ZNF804B: variants seen among roughly 807,000 people sequenced by gnomAD.
ZNF804B encodes zinc finger 804B.
ZNF804B carries 80 observed loss-of-function variants against 101.4 expected under a neutral mutation model. The observed-to-expected ratio is 0.79, with a 90% CI of 0.66 to 0.95. The LOEUF (loss-of-function observed/expected upper bound fraction) is 0.95, where lower values mean the gene tolerates loss of function less well. ZNF804B is among the 40% of genes least tolerant of loss of function. The pLI is 0.00. For synonymous variants in ZNF804B, 622 were observed against 558.8 expected (o/e 1.11, Z -1.59); for missense variants, 1,673 against 1,561.9 (o/e 1.07, Z -1.20).
Position 89,105,397 on chromosome 7 carries a change from T to C in ZNF804B, c.109-112758T>C, listed in dbSNP as rs567674515. 2.2e-4 allele frequency among the ~76,000 whole-genome samples: 33 copies of C among 152,250 alleles called. 1 individual carries two copies. The highest frequency in any genetic ancestry group is 1.0e-3 in the South Asian group (5 of 4,830). On this transcript the variant is annotated intron_variant, in intron 1 of 3. Coordinates refer to ENST00000333190, the MANE Select transcript of ZNF804B (RefSeq NM_181646.5). ...AAATTCCATGGATAGCTTTTAACTT[T>C]AGTAACTGAACTAAAGCACAGTTGT...
intron 1 of ZNF804B, among the ~76,000 whole-genome samples, chr7:88,927,210 G>A (rs1180332108): frequency 1.4e-4 from 22 of 152,132 alleles, no homozygotes; most frequent in Admixed American, 1.4e-3. Flanking sequence ...CATTGGAAGA[G>A]TGGCGTTTTA....
chr7:89,132,162 GCACACATACACACACA>G (rs1266849809), intron 1 of ZNF804B, among the ~76,000 whole-genome samples: 7 of 87,604 alleles, frequency 8.0e-5, no homozygotes, highest in African/African-American at 2.5e-4. Flanking sequence ...GAGAACACAC[GCACACATACACACACA>G]CACACACACA....
At chr7:88,782,890 G>A (rs1265640548) in intron 1 of ZNF804B, among the ~76,000 whole-genome samples, 1 of 152,026 alleles carries the variant, frequency 6.6e-6, no homozygotes, top group African/African-American at 2.4e-5. Flanking sequence ...GTGTACAAGA[G>A]GACTCTTGGG....
chr7:89,016,139 T>A (rs1788552181), intron 1 of ZNF804B, among the ~76,000 whole-genome samples: 1 of 152,044 alleles, frequency 6.6e-6, no homozygotes, highest in Non-Finnish European at 1.5e-5. Context: ...TGTCTTCTTT[T>A]GAGAAGTGTC....
At chr7:88,854,527 T>TTTCCTTCCCTTCCCTTCCCTTCCCTTCCC (rs1791520224) in intron 1 of ZNF804B, among the ~76,000 whole-genome samples, 11 of 40,074 alleles carry the variant, frequency 2.7e-4, no homozygotes, top group African/African-American at 1.0e-3. Context: ...CTTTCCTTCC[T>TTTCCTTCCCTTCCCTTCCCTTCCCTTCCC]TTCCTTCCTT....
intron 1 of ZNF804B, among the ~76,000 whole-genome samples, chr7:88,900,428 A>G (rs1334526247): frequency 1.3e-5 from 2 of 151,720 alleles, no homozygotes; most frequent in African/African-American, 4.8e-5. Context: ...GATTTACATA[A>G]GCCAGAAACT....
intron 2 of ZNF804B, among the ~76,000 whole-genome samples, chr7:89,279,233 A>C (rs954569310): frequency 7.4e-4 from 112 of 152,184 alleles, no homozygotes; most frequent in Admixed American, 1.2e-3. Context: ...GTTGCTTATC[A>C]GCTTAAGGAG....
At chr7:88,885,076 G>A (rs979197958) in intron 1 of ZNF804B, among the ~76,000 whole-genome samples, 2 of 151,910 alleles carry the variant, frequency 1.3e-5, no homozygotes, top group African/African-American at 4.8e-5. Flanking sequence ...TATATAATTT[G>A]TATCCCTACT....
chr7:88,799,886 T>TA (rs759903705), intron 1 of ZNF804B, among the ~76,000 whole-genome samples: 9 of 152,082 alleles, frequency 5.9e-5, no homozygotes, highest in Non-Finnish European at 1.2e-4. Context: ...GAAAGAGTTC[T>TA]CATTTGAGCG....
intron 1 of ZNF804B, among the ~76,000 whole-genome samples, chr7:89,212,507 T>C (rs1045844626): frequency 6.6e-6 from 1 of 152,148 alleles, no homozygotes; most frequent in Non-Finnish European, 1.5e-5. Context: ...TGTCTTAGAC[T>C]TCAGGCTTAA....
chr7:89,306,226 A>G (rs1790559416), intron 2 of ZNF804B, among the ~76,000 whole-genome samples: 1 of 151,998 alleles, frequency 6.6e-6, no homozygotes, highest in East Asian at 1.9e-4. Flanking sequence ...AATCATATTA[A>G]CGAAATATCT....
At chr7:89,298,228 A>AGTGTGTGTGTG (rs1790418121) in intron 2 of ZNF804B, among the ~76,000 whole-genome samples, 2 of 97,030 alleles carry the variant, frequency 2.1e-5, no homozygotes, top group African/African-American at 9.0e-5. Context: ...ATATATATAT[A>AGTGTGTGTGTG]TATATATATA....
chr7:89,161,392 A>C (rs945723627), intron 1 of ZNF804B, among the ~76,000 whole-genome samples: 1 of 151,928 alleles, frequency 6.6e-6, no homozygotes, highest in Non-Finnish European at 1.5e-5. Context: ...TATATTAAAA[A>C]CCACTTCCCC....
At chr7:88,916,685 T>G (rs1436712147) in intron 1 of ZNF804B, among the ~76,000 whole-genome samples, 2 of 152,180 alleles carry the variant, frequency 1.3e-5, no homozygotes, top group African/African-American at 4.8e-5. Context: ...CTTTTGTTTC[T>G]GTCATATGGC....
chr7:89,233,664 C>T (rs932229752), intron 2 of ZNF804B, among the ~76,000 whole-genome samples: 2 of 151,084 alleles, frequency 1.3e-5, no homozygotes, highest in African/African-American at 4.9e-5. Context: ...TTGAGATGGA[C>T]TTTCACTCTT....
intron 1 of ZNF804B, among the ~76,000 whole-genome samples, chr7:89,178,030 T>C (rs1304888631): frequency 6.6e-6 from 1 of 152,128 alleles, no homozygotes; most frequent in Non-Finnish European, 1.5e-5. Flanking sequence ...TTTAATGACA[T>C]TTTTGTCTCC....
intron 2 of ZNF804B, among the ~76,000 whole-genome samples, chr7:89,271,146 G>C (rs2115838786): frequency 6.6e-6 from 1 of 152,262 alleles, no homozygotes; most frequent in Non-Finnish European, 1.5e-5. Context: ...TCTTGTGCCA[G>C]TTTTCAAAGG....
chr7:89,305,101 T>A (rs1340451335), intron 2 of ZNF804B, among the ~76,000 whole-genome samples: 1 of 151,978 alleles, frequency 6.6e-6, no homozygotes, highest in Non-Finnish European at 1.5e-5. Flanking sequence ...TCTAACAGCA[T>A]TTATGTCATA....
At chr7:89,209,361 G>A (rs1030962259) in intron 1 of ZNF804B, among the ~76,000 whole-genome samples, 10 of 152,178 alleles carry the variant, frequency 6.6e-5, no homozygotes, top group Non-Finnish European at 1.5e-4. Flanking sequence ...CACCTTACCT[G>A]GGCATTGATG....
Sources: gnomAD v4.1 joint callset for allele counts (sites outside exome capture counted in the v4.1 genomes callset) on GRCh38, gnomAD v4.1.1 for gene constraint, MANE v1.5 for transcripts, NCBI Gene and HGNC (gene_info 2026-07-23, HGNC 2026-07-21) for gene names.